Variants in FAM110B observed in about 807,000 individuals in gnomAD.
The protein encoded by FAM110B is protein FAM110B.
FAM110B carries 6 observed loss-of-function variants against 20.4 expected under a neutral mutation model. That is an observed-to-expected ratio of 0.29 (90% CI 0.16 to 0.58). The LOEUF (loss-of-function observed/expected upper bound fraction) is 0.58, where lower values mean the gene tolerates loss of function less well. Among genes scored for constraint, FAM110B ranks in the 20% least tolerant of loss-of-function variants. The probability of loss-of-function intolerance (pLI) is 0.90; values close to 1 mark genes in which losing one functional copy is unlikely to be tolerated. For synonymous variants in FAM110B, 226 were observed against 214.1 expected, an observed-to-expected ratio of 1.06 and a Z score of -0.49; for missense variants, 434 against 498.2, an observed-to-expected ratio of 0.87 and a Z score of 1.23.
rs891381877 is a variant in FAM110B at position 58,035,618 on chromosome 8, C to T, written c.-414+3915C>T. On this transcript the variant is annotated intron_variant, in intron 2 of 3. Coordinates refer to ENST00000519262, the MANE Select transcript of FAM110B (RefSeq NM_001377989.1). ...GCACCCAGGCCTGGCATTAAGCATG[C>T]TCAGTACAGATGGGAACTGAATTGA... Among the ~76,000 whole-genome samples the T allele has an allele frequency of 2.6e-5, 4 of 152,142 alleles. No individual in the cohort carries two copies. The East Asian group carries it at 7.7e-4, about 29-fold the overall frequency.
intron 3 of FAM110B, among the ~76,000 whole-genome samples, chr8:58,128,294 A>G (rs1213142993): frequency 6.6e-6 from 1 of 152,226 alleles, no homozygotes; most frequent in Non-Finnish European, 1.5e-5. Flanking sequence ...TGAGTCCTGC[A>G]TCTGCTCTGC....
At chr8:58,000,018 G>T (rs1804261027) in intron 1 of FAM110B, among the ~76,000 whole-genome samples, 1 of 152,122 alleles carries the variant, frequency 6.6e-6, no homozygotes, top group East Asian at 1.9e-4. Context: ...CAAAAACTGT[G>T]CAAGATTAAA....
intron 3 of FAM110B, among the ~76,000 whole-genome samples, chr8:58,141,813 A>G (rs1202782063): frequency 2.0e-5 from 3 of 152,226 alleles, no homozygotes; most frequent in African/African-American, 7.2e-5. Context: ...GGCAGCCCGT[A>G]GCGGGGGGCT....
At position 58,096,288 on chromosome 8, in the gene FAM110B, G is replaced by A. The variant is rs543892816; in HGVS notation, c.-325+20665G>A. ...CCTTCCGGTTTCAAGCAATTCTCCTGCCTCAGTCTCCCGAGTAGCTGGGAT... is the reference window on the plus strand; with the variant it reads ...CCTTCCGGTTTCAAGCAATTCTCCTACCTCAGTCTCCCGAGTAGCTGGGAT... On this transcript the variant is annotated intron_variant, in intron 3 of 3. Coordinates refer to ENST00000519262, the MANE Select transcript of FAM110B (RefSeq NM_001377989.1). Among the ~76,000 whole-genome samples the A allele has an allele frequency of 3.3e-5, 5 of 152,202 alleles. No homozygotes were observed. The South Asian group carries it at 6.2e-4, about 19-fold the overall frequency.
At chr8:58,023,505 G>A (rs1419704626) in intron 1 of FAM110B, among the ~76,000 whole-genome samples, 1 of 152,166 alleles carries the variant, frequency 6.6e-6, no homozygotes, top group East Asian at 1.9e-4. Flanking sequence ...ATGAATCTCA[G>A]GTCCTGCACA....
chr8:58,097,224 G>A (rs1806654967), intron 3 of FAM110B, among the ~76,000 whole-genome samples: 1 of 152,044 alleles, frequency 6.6e-6, no homozygotes, highest in Non-Finnish European at 1.5e-5. Context: ...CATATTTGTT[G>A]GAGGCTTTGT....
chr8:58,045,686 A>G (rs1325757869), intron 2 of FAM110B, among the ~76,000 whole-genome samples: 3 of 152,216 alleles, frequency 2.0e-5, no homozygotes, highest in Non-Finnish European at 2.9e-5. Context: ...CATCTGTGAA[A>G]ACCACTGCAC....
intron 3 of FAM110B, among the ~76,000 whole-genome samples, chr8:58,129,021 GA>G (rs1294907916): frequency 6.6e-6 from 1 of 152,174 alleles, no homozygotes; most frequent in Non-Finnish European, 1.5e-5. Flanking sequence ...ACAACGCTGG[GA>G]GTGATCCAGA....
rs58351552 is a variant in FAM110B at position 58,077,462 on chromosome 8, G to A, written c.-325+1839G>A. 3.1e-3 allele frequency among the ~76,000 whole-genome samples: 467 copies of A among 152,306 alleles called. 1 individual carries two copies. Among genetic ancestry groups the A allele is most frequent in the African/African-American group, 0.011 (447 of 41,566 alleles). ...ACCAGGATGGCTGCTGACTGCAGTT[G>A]AGTTTGCAGCCCTAGTGGCCAGGGA... On this transcript the variant is annotated intron_variant, in intron 3 of 3. Coordinates refer to ENST00000519262, the MANE Select transcript of FAM110B (RefSeq NM_001377989.1).
chr8:58,118,707 G>T (rs910091315), intron 3 of FAM110B, among the ~76,000 whole-genome samples: 8 of 152,084 alleles, frequency 5.3e-5, no homozygotes, highest in Non-Finnish European at 1.5e-5. Flanking sequence ...GCCACTTATG[G>T]ATTAAAAACT....
intron 3 of FAM110B, among the ~76,000 whole-genome samples, chr8:58,080,268 G>A (rs1000217036): frequency 2.6e-5 from 4 of 152,186 alleles, no homozygotes; most frequent in African/African-American, 9.7e-5. Context: ...GTCGGACAAT[G>A]GGGAAAGTAG....
chr8:58,092,691 G>A (rs904233038), intron 3 of FAM110B, among the ~76,000 whole-genome samples: 22 of 152,098 alleles, frequency 1.4e-4, no homozygotes, highest in African/African-American at 5.1e-4. Context: ...TTGTGAACGT[G>A]GTTGCAACAC....
At chr8:58,119,349 G>A (rs1807295883) in intron 3 of FAM110B, among the ~76,000 whole-genome samples, 1 of 152,196 alleles carries the variant, frequency 6.6e-6, no homozygotes, top group Admixed American at 6.5e-5. Context: ...CCCACAGATG[G>A]TGACTTCTTG....
At chr8:58,012,809 T>C (rs189985636) in intron 1 of FAM110B, among the ~76,000 whole-genome samples, 1 of 152,330 alleles carries the variant, frequency 6.6e-6, no homozygotes, top group African/African-American at 2.4e-5. Flanking sequence ...TTCAGGTTGT[T>C]TGGGGAGTGG....
At chr8:58,044,463 ATATGT>A (rs1210994149) in intron 2 of FAM110B, among the ~76,000 whole-genome samples, 1 of 152,224 alleles carries the variant, frequency 6.6e-6, no homozygotes. Context: ...AAAAATAAAA[ATATGT>A]TATGTAGGAA....
chr8:58,130,331 G>A (rs146145380), intron 3 of FAM110B, among the ~76,000 whole-genome samples: 72 of 152,240 alleles, frequency 4.7e-4, no homozygotes, highest in African/African-American at 1.7e-3. Flanking sequence ...CCGCCTCTAC[G>A]ATCATGAGTC....
At chr8:58,081,228 A>G (rs1027141062) in intron 3 of FAM110B, among the ~76,000 whole-genome samples, 2 of 152,078 alleles carry the variant, frequency 1.3e-5, no homozygotes, top group African/African-American at 4.8e-5. Context: ...ATTTTTTGAG[A>G]CACAGTCTGG....
intron 3 of FAM110B, among the ~76,000 whole-genome samples, chr8:58,101,284 G>C (rs1022289081): frequency 1.3e-5 from 2 of 152,068 alleles, no homozygotes; most frequent in Non-Finnish European, 2.9e-5. Flanking sequence ...TCAAAATATA[G>C]TACAAATCAA....
chr8:58,115,379 A>AT (rs11426630), intron 3 of FAM110B, among the ~76,000 whole-genome samples: 14,265 of 151,900 alleles, frequency 0.094, 2,308 homozygotes, highest in African/African-American at 0.33. Flanking sequence ...AGCCTGAATC[A>AT]TTTTTTTTAT....
Sources: gnomAD v4.1 joint callset for allele counts (sites outside exome capture counted in the v4.1 genomes callset) on GRCh38, gnomAD v4.1.1 for gene constraint, MANE v1.5 for transcripts, NCBI Gene and HGNC (gene_info 2026-07-23, HGNC 2026-07-21) for gene names.